Variants in APP observed in about 807,000 individuals in gnomAD.
APP encodes the protein amyloid beta precursor protein.
Under a neutral mutation model 101.4 loss-of-function variants are expected in APP, and 31 were observed. The observed-to-expected ratio is 0.31, with a 90% CI of 0.23 to 0.41. APP has a LOEUF of 0.41. APP is among the 10% of genes least tolerant of loss of function. The pLI, the probability that APP is intolerant of heterozygous loss-of-function variation, is 1.00. For synonymous variants in APP, 366 were observed against 364.4 expected, an observed-to-expected ratio of 1.00 and a Z score of -0.05; for missense variants, 839 against 1,003.7, an observed-to-expected ratio of 0.84 and a Z score of 2.22.
chr21:25,982,333 G>T lies in APP; in HGVS notation c.1224+11C>A. 1 of 1,613,608 alleles carries T rather than the reference G, an allele frequency of 6.2e-7. No homozygotes were observed. The highest frequency in any genetic ancestry group is 8.5e-7 in the Non-Finnish European group (1 of 1,179,678). Reference sequence around the variant, plus strand: ...TATCGTAGGGCTGAATGATGGAAGAGCCAGACTTACCTGGGACATTCTCTC... The same window carrying T: ...TATCGTAGGGCTGAATGATGGAAGATCCAGACTTACCTGGGACATTCTCTC... On this transcript the variant is annotated intron_variant, in intron 9 of 17. Coordinates refer to ENST00000346798, the MANE Select transcript of APP (RefSeq NM_000484.4).
intron 13 of APP, among the ~76,000 whole-genome samples, chr21:25,933,164 T>C (rs1007817167): frequency 6.6e-6 from 1 of 152,226 alleles, no homozygotes; most frequent in East Asian, 1.9e-4. Flanking sequence ...AGTGATGTGA[T>C]CATAGCTCAC....
intron 3 of APP, among the ~76,000 whole-genome samples, chr21:26,079,805 A>G (rs1242630921): frequency 6.6e-6 from 1 of 152,174 alleles, no homozygotes; most frequent in African/African-American, 2.4e-5. Context: ...TTCTCCCTAT[A>G]TACACTGTAT....
chr21:25,893,755 T>C (rs886166736), intron 16 of APP, among the ~76,000 whole-genome samples: 3 of 152,234 alleles, frequency 2.0e-5, no homozygotes, highest in Admixed American at 2.0e-4. Flanking sequence ...AAGCAGCAAG[T>C]GCTGATGTAG....
At chr21:26,005,652 C>A (rs149267787) in intron 6 of APP, among the ~76,000 whole-genome samples, 1 of 152,086 alleles carries the variant, frequency 6.6e-6, no homozygotes, top group African/African-American at 2.4e-5. Context: ...TTCAATAAGC[C>A]GCATCTAGTT....
At chr21:25,997,551 A>G in intron 7 of APP, 135 bp from the exon 8 acceptor site, 1 of 747,596 alleles carries the variant, frequency 1.3e-6, no homozygotes, top group African/African-American at 1.7e-5. Context: ...CCCTCCAACA[A>G]AACCAAAATG....
intron 5 of APP, among the ~76,000 whole-genome samples, chr21:26,036,998 G>T (rs1172158552): frequency 1.3e-5 from 2 of 152,166 alleles, no homozygotes; most frequent in African/African-American, 4.8e-5. Flanking sequence ...ATGTGTGTGT[G>T]TCCGTGCGTG....
At chr21:25,935,703 G>C (rs1438903732) in intron 13 of APP, among the ~76,000 whole-genome samples, 1 of 151,942 alleles carries the variant, frequency 6.6e-6, no homozygotes, top group African/African-American at 2.4e-5. Flanking sequence ...AGCTGGGTGT[G>C]GTGGTGCGCG....
intron 13 of APP, among the ~76,000 whole-genome samples, chr21:25,930,441 G>A (rs1047690465): frequency 2.0e-5 from 3 of 152,180 alleles, no homozygotes; most frequent in Admixed American, 1.3e-4. Context: ...TTCAAAGGAT[G>A]CAAAGAATTG....
At chr21:26,107,656 G>A (rs112898449) in intron 2 of APP, among the ~76,000 whole-genome samples, 8,198 of 152,132 alleles carry the variant, frequency 0.054, 775 homozygotes, top group African/African-American at 0.19. Context: ...GCTTTCCTTC[G>A]GTTCTTCTCC....
chr21:25,938,876 G>A (rs1018870213), intron 13 of APP, among the ~76,000 whole-genome samples: 3 of 152,184 alleles, frequency 2.0e-5, no homozygotes, highest in Admixed American at 6.5e-5. Context: ...TCCCCTGTTC[G>A]TGGATTCCGA....
chr21:26,083,431 G>C (rs1395785851), intron 3 of APP, among the ~76,000 whole-genome samples: 1 of 152,080 alleles, frequency 6.6e-6, no homozygotes, highest in Admixed American at 6.6e-5. Context: ...TCACAAAACA[G>C]GAAACGATTA....
intron 5 of APP, among the ~76,000 whole-genome samples, chr21:26,029,604 G>A (rs989248771): frequency 2.6e-5 from 4 of 152,146 alleles, no homozygotes; most frequent in African/African-American, 9.6e-5. Flanking sequence ...GCAAAGGCCC[G>A]GTGACAGGAG....
intron 3 of APP, among the ~76,000 whole-genome samples, chr21:26,067,592 G>C (rs1357254294): frequency 4.6e-5 from 7 of 152,090 alleles, no homozygotes; most frequent in African/African-American, 1.7e-4. Flanking sequence ...TTAGTCAATG[G>C]GAGGCATATC....
intron 3 of APP, among the ~76,000 whole-genome samples, chr21:26,061,848 A>G (rs544738169): frequency 6.6e-6 from 1 of 152,328 alleles, no homozygotes; most frequent in African/African-American, 2.4e-5. Flanking sequence ...TCATCTCTCC[A>G]ACTTTTCCAA....
chr21:25,898,332 C>T (rs1015643750), intron 15 of APP, among the ~76,000 whole-genome samples: 1 of 152,154 alleles, frequency 6.6e-6, no homozygotes, highest in South Asian at 2.1e-4. Flanking sequence ...TCTTCCTTTT[C>T]TATAAATTGC....
chr21:25,967,662 G>A (rs565796918), intron 11 of APP, among the ~76,000 whole-genome samples: 40 of 152,292 alleles, frequency 2.6e-4, no homozygotes, highest in African/African-American at 7.9e-4. Context: ...CTCTTCAACA[G>A]TCAGGACATA....
chr21:25,939,651 A>G (rs2146426976), intron 13 of APP, among the ~76,000 whole-genome samples: 1 of 152,330 alleles, frequency 6.6e-6, no homozygotes, highest in East Asian at 1.9e-4. Flanking sequence ...CTTTTTCTCT[A>G]AAGTTTCTTA....
chr21:26,148,922 A>T (rs766381967), intron 1 of APP, among the ~76,000 whole-genome samples: 1 of 152,222 alleles, frequency 6.6e-6, no homozygotes, highest in African/African-American at 2.4e-5. Context: ...TAGTAAATTG[A>T]AAGAGTTGTG....
At chr21:26,152,190 C>T (rs192071548) in intron 1 of APP, among the ~76,000 whole-genome samples, 9 of 142,926 alleles carry the variant, frequency 6.3e-5, no homozygotes, top group South Asian at 2.3e-4. Flanking sequence ...GAGGCTGAGG[C>T]GGGAGAATGG....
Sources: allele counts gnomAD v4.1 joint callset (sites outside exome capture counted in the v4.1 genomes callset), GRCh38; gene constraint gnomAD v4.1.1; transcripts MANE v1.5; gene names NCBI Gene and HGNC (gene_info 2026-07-23, HGNC 2026-07-21).